MYBPC2: variants seen among roughly 807,000 people sequenced by gnomAD.
MYBPC2 encodes myosin-binding protein C, fast-type.
Under a neutral mutation model 137.0 loss-of-function variants are expected in MYBPC2, and 122 were observed. The observed-to-expected ratio is 0.89, with a 90% CI of 0.77 to 1.03. The LOEUF is 1.03. MYBPC2 is among the 50% of genes least tolerant of loss of function. The pLI is 0.00. For synonymous variants in MYBPC2, 626 were observed against 612.3 expected, an observed-to-expected ratio of 1.02 and a Z score of -0.33; for missense variants, 1,500 against 1,534.4, an observed-to-expected ratio of 0.98 and a Z score of 0.37.
intron 1 of MYBPC2, among the ~76,000 whole-genome samples, chr19:50,434,457 G>T (rs766475518): frequency 7.2e-5 from 11 of 152,242 alleles, no homozygotes; most frequent in African/African-American, 2.7e-4. Context: ...CATCTGCATG[G>T]AGTCACAGGG....
Position 50,443,733 on chromosome 19 carries a change from A to T in MYBPC2, c.1050A>T (p.Thr350=). 2 of 1,613,738 alleles carry T rather than the reference A, an allele frequency of 1.2e-6. No homozygotes were observed. The highest frequency in any genetic ancestry group is 1.7e-6 in the Non-Finnish European group (2 of 1,179,818). ...FVKEPPVLIV[T]PLEDQQVFVG... is the part of the protein sequence containing the mutation. The stretch of plus-strand genomic sequence containing the variant: ...CAGAACCTCCAGTCCTAATTGTCAC[A>T]CCTCTTGAGGACCAGCAGGTGTTTG... Residue 350 remains threonine (T), a synonymous_variant, in exon 11 of 28, where the codon ACA becomes ACT. Transcript: ENST00000357701.
intron 26 of MYBPC2, among the ~76,000 whole-genome samples, chr19:50,463,108 A>G (rs766240925): frequency 1.6e-4 from 25 of 152,202 alleles, no homozygotes; most frequent in Non-Finnish European, 2.8e-4. Flanking sequence ...ACCATCACCC[A>G]TGGGTCAAAT....
chr19:50,458,182 A>G (rs1367348002), intron 20 of MYBPC2, among the ~76,000 whole-genome samples: 3 of 151,174 alleles, frequency 2.0e-5, no homozygotes, highest in African/African-American at 7.3e-5. Context: ...TGGTGGTGCG[A>G]GCCTGTAGTC....
Position 50,454,090 on chromosome 19 carries a change from G to A in MYBPC2, c.1820G>A (p.Ser607Asn). Residue 607 changes from serine to asparagine, a missense_variant, in exon 17 of 28, where the codon AGT (serine) becomes AAT (asparagine). Transcript: ENST00000357701. Reference sequence around the variant, plus strand: ...GACTGCAGCAGCTTTGTGATTGAGAGTGCGCAGCGGGAAGACGAGGGCCGC... The same window carrying A: ...GACTGCAGCAGCTTTGTGATTGAGAATGCGCAGCGGGAAGACGAGGGCCGC... ...RVDCSSFVIE[S>N]AQREDEGRYT... The A allele has an allele frequency of 6.2e-7, 1 of 1,611,928 alleles. No individual in the cohort carries two copies. Among genetic ancestry groups the A allele is most frequent in the South Asian group, 1.1e-5 (1 of 90,606 alleles).
rs559766877 is a variant in MYBPC2 at position 50,460,053 on chromosome 19, C to T, written c.2805C>T (p.Pro935=). The change falls in exon 24 of 28, where the codon CCC becomes CCT. Residue 935 remains proline, a synonymous_variant. Coordinates refer to ENST00000357701, the MANE Select transcript of MYBPC2 (RefSeq NM_004533.4). ...CCCCATTTCCAGAAAAGGCTGGGCC[C>T]CCCATAAACGTGATGGTGAAGGAGG... ...IRIRVVEKAG[P]PINVMVKEVW... 1.3e-5 allele frequency: 20 copies of T among 1,553,998 alleles called. No individual in the cohort carries two copies. The South Asian group carries it at 2.1e-4, about 17-fold the overall frequency.
rs2039690548 is a variant in MYBPC2 at position 50,435,159 on chromosome 19, A to G, written c.20-2A>G. 1 of 1,306,440 alleles carries G rather than the reference A, an allele frequency of 7.7e-7. No homozygotes were observed. The highest frequency in any genetic ancestry group is 1.7e-5 in the Admixed American group (1 of 57,506). 80.9% of individuals were successfully genotyped at this position (1,306,440 alleles called of 1,614,324 possible). On this transcript the variant is annotated splice_acceptor_variant, in intron 1 of 27. Coordinates refer to ENST00000357701, the MANE Select transcript of MYBPC2 (RefSeq NM_004533.4). LOFTEE classifies it high-confidence loss of function. The surrounding 1 kb of genome is among the most constrained non-coding windows in gnomAD (Gnocchi z 4.8). ...CAACTATGACTGTCCCCTACCTTAC[A>G]GCGGCCAAAAAGGCCCCCAAAGGCA...
intron 20 of MYBPC2, among the ~76,000 whole-genome samples, chr19:50,458,350 T>C (rs2039932862): frequency 6.7e-6 from 1 of 148,916 alleles, no homozygotes; most frequent in African/African-American, 2.5e-5. Flanking sequence ...CACTCCAGCC[T>C]GGGCGACAGG....
Position 50,436,109 on chromosome 19 carries a change from C to G in MYBPC2, c.294C>G (p.Ser98Arg). 1 of 1,581,650 alleles carries G rather than the reference C, an allele frequency of 6.3e-7. No individual in the cohort carries two copies. Among genetic ancestry groups the G allele is most frequent in the Non-Finnish European group, 8.6e-7 (1 of 1,164,354 alleles). ...WFKGKWLELG[S>R]KSGARFSFKE... ...AGGGGAAGTGGCTGGAGCTGGGCAG[C>G]AAGAGTGGCGCCCGCTTCTCCTTCA... Residue 98 changes from serine to arginine, a missense_variant, in exon 4 of 28, where the codon AGC becomes AGG. Ser to Arg is a moderately radical substitution (Grantham distance 110). Coordinates refer to ENST00000357701, the MANE Select transcript of MYBPC2 (RefSeq NM_004533.4).
intron 14 of MYBPC2, 132 bp from the exon 15 acceptor site, chr19:50,451,148 C>A: frequency 1.7e-6 from 2 of 1,205,098 alleles, no homozygotes; most frequent in Non-Finnish European, 2.4e-6. Context: ...GCTCCTGGGC[C>A]TGAACCTGTC....
rs756505244 is a variant in MYBPC2 at position 50,435,193 on chromosome 19, C to T, written c.52C>T (p.Pro18Ser). The change falls in exon 2 of 28, where the codon CCC (proline) becomes TCC (serine). Residue 18 changes from proline to serine, a missense_variant. Physicochemically the swap from Pro to Ser is moderately conservative, Grantham distance 74. Coordinates refer to ENST00000357701, the MANE Select transcript of MYBPC2 (RefSeq NM_004533.4). The surrounding 1 kb of genome is among the most constrained non-coding windows in gnomAD (Gnocchi z 4.8). ...AAAGGCCCCCAAAGGCAAAGATGCC[C>T]CCAAAGGAGCCCCCAAGGAGGCTCC... The part of the protein sequence containing the change: ...AKKAPKGKDA[P>S]KGAPKEAPPK... 7.1e-7 allele frequency: 1 copy of T among 1,408,772 alleles called. No homozygotes were observed. Among genetic ancestry groups the T allele is most frequent in the Non-Finnish European group, 1.0e-6 (1 of 998,004 alleles). 87.3% of individuals were successfully genotyped at this position (1,408,772 alleles called of 1,614,324 possible).
At chr19:50,445,214 A>G (rs1041381485) in intron 11 of MYBPC2, among the ~76,000 whole-genome samples, 2 of 152,072 alleles carry the variant, frequency 1.3e-5, no homozygotes, top group Non-Finnish European at 2.9e-5. Flanking sequence ...TGCCCTGGAC[A>G]GGGAAAACCA....
At chr19:50,456,688 G>A (rs536982594) in intron 20 of MYBPC2, among the ~76,000 whole-genome samples, 131 of 151,806 alleles carry the variant, frequency 8.6e-4, no homozygotes, top group African/African-American at 3.0e-3. Context: ...CACCTGCCTC[G>A]GCCTCCCAAA....
At chr19:50,434,591 C>G (rs1453546835) in intron 1 of MYBPC2, among the ~76,000 whole-genome samples, 1 of 152,178 alleles carries the variant, frequency 6.6e-6, no homozygotes, top group Non-Finnish European at 1.5e-5. Flanking sequence ...TGGGGACCTT[C>G]TTTGAATGGG....
chr19:50,461,767 A>C, intron 25 of MYBPC2, 66 bp downstream of exon 25: 2 of 1,598,134 alleles, frequency 1.3e-6, no homozygotes, highest in Non-Finnish European at 1.7e-6. Context: ...TCCCACCTGG[A>C]CTCCTGCCCT....
Position 50,436,751 on chromosome 19 carries a change from T to C in MYBPC2, c.463+17T>C, listed in dbSNP as rs774410479. The C allele has an allele frequency of 4.3e-6, 7 of 1,609,852 alleles. No homozygotes were observed. The highest frequency in any genetic ancestry group is 5.9e-6 in the Non-Finnish European group (7 of 1,176,638). Reference sequence around the variant, plus strand: ...ATGTGGAGGGTATGCTGGTGGGGGATGCGGGAGCAAAGGGTTCTATGTCTG... The same window carrying C: ...ATGTGGAGGGTATGCTGGTGGGGGACGCGGGAGCAAAGGGTTCTATGTCTG... On this transcript the variant is annotated intron_variant, in intron 5 of 27. Transcript: ENST00000357701.
At chr19:50,455,483 A>G (rs1441937165) in intron 19 of MYBPC2, 27 bp from the exon 20 acceptor site, 11 of 1,599,000 alleles carry the variant, frequency 6.9e-6, no homozygotes, top group Non-Finnish European at 9.4e-6. Context: ...CATTCCCCCC[A>G]TATCCTCTTT....
intron 20 of MYBPC2, among the ~76,000 whole-genome samples, chr19:50,456,436 T>TC (rs371189080): frequency 0.19 from 52 of 268 alleles, no homozygotes; most frequent in African/African-American, 0.35. Context: ...TCTCTCTCTC[T>TC]TTTTTTTTTT....
At chr19:50,455,399 G>A in intron 19 of MYBPC2, 103 bp downstream of exon 19, 2 of 1,560,216 alleles carry the variant, frequency 1.3e-6, no homozygotes, top group Non-Finnish European at 1.7e-6. Flanking sequence ...ATCAATCTCT[G>A]ACCCTACCCC....
At chr19:50,453,758 G>A (rs866156808) in intron 16 of MYBPC2, among the ~76,000 whole-genome samples, 3 of 151,626 alleles carry the variant, frequency 2.0e-5, no homozygotes, top group Non-Finnish European at 4.4e-5. Flanking sequence ...CAGGCTGGTC[G>A]CAAACTCCCA....
Sources: allele counts gnomAD v4.1 joint callset (sites outside exome capture counted in the v4.1 genomes callset), GRCh38; gene constraint gnomAD v4.1.1; non-coding constraint Gnocchi (gnomAD v3.1); transcripts MANE v1.5; gene names NCBI Gene and HGNC (gene_info 2026-07-23, HGNC 2026-07-21).